Variants in GLIS3 observed in about 807,000 individuals in gnomAD.
GLIS3 encodes the protein GLIS family zinc finger 3.
A neutral mutation model predicts 78.6 loss-of-function variants in GLIS3; 53 were observed. The observed-to-expected ratio is 0.67, with a 90% CI of 0.54 to 0.85. GLIS3 has a LOEUF of 0.85. Ranked by LOEUF, GLIS3 falls within the 40% of genes least tolerant of loss-of-function variation. The pLI is 0.00. For missense variants in GLIS3, 1,703 were observed against 1,231.1 expected (o/e 1.38, Z -5.74); for synonymous variants, 684 against 509.9 (o/e 1.34, Z -4.60).
At chr9:4,395,769 CTTTTT>C in the GLIS3 span, among the ~76,000 whole-genome samples, 3 of 145,796 alleles carry the variant, frequency 2.1e-5, no homozygotes, top group Non-Finnish European at 3.0e-5. Context: ...TTTCTTTTTT[CTTTTT>C]TTCTTTTTTT....
At chr9:3,844,178 C>T (rs62521412) in intron 9 of GLIS3, among the ~76,000 whole-genome samples, 1 of 152,050 alleles carries the variant, frequency 6.6e-6, no homozygotes, top group South Asian at 2.1e-4. Context: ...TTTTGTTGTT[C>T]TGTTTTATGA....
chr9:4,177,042 AT>A (rs773479105), intron 2 of GLIS3, among the ~76,000 whole-genome samples: 1 of 152,230 alleles, frequency 6.6e-6, no homozygotes, highest in Non-Finnish European at 1.5e-5. Flanking sequence ...ATCCCCCGAA[AT>A]TTACACCATC....
At chr9:4,262,073 A>C (rs1351216895) in intron 2 of GLIS3, among the ~76,000 whole-genome samples, 2 of 152,052 alleles carry the variant, frequency 1.3e-5, no homozygotes, top group African/African-American at 4.8e-5. Flanking sequence ...CTAGAAAGAG[A>C]CCCGGTCTAG....
chr9:4,488,803 C>A, the GLIS3 span, among the ~76,000 whole-genome samples: 1 of 152,176 alleles, frequency 6.6e-6, no homozygotes, highest in Non-Finnish European at 1.5e-5. Flanking sequence ...CAGGTGTGAG[C>A]CATCGCGCCC....
At chr9:3,965,209 T>TTTC (rs1554659622) in intron 4 of GLIS3, among the ~76,000 whole-genome samples, 1 of 145,166 alleles carries the variant, frequency 6.9e-6, no homozygotes, top group African/African-American at 2.5e-5. Flanking sequence ...TTTTTTTTTT[T>TTTC]TTTGAGACAG....
the GLIS3 span, among the ~76,000 whole-genome samples, chr9:4,473,714 G>C: frequency 6.6e-6 from 1 of 151,926 alleles, no homozygotes; most frequent in Non-Finnish European, 1.5e-5. Context: ...AAAATAATCT[G>C]TACAACAAAC....
chr9:3,830,019 A>G (rs1817956233), intron 9 of GLIS3, among the ~76,000 whole-genome samples: 1 of 152,222 alleles, frequency 6.6e-6, no homozygotes, highest in Non-Finnish European at 1.5e-5. Context: ...ACAGTGTTCC[A>G]TAGTTGGATA....
chr9:4,044,953 G>A (rs1182880616), intron 4 of GLIS3, among the ~76,000 whole-genome samples: 3 of 152,174 alleles, frequency 2.0e-5, no homozygotes, highest in African/African-American at 7.2e-5. Flanking sequence ...AAGGGCAGAT[G>A]TAAATTCCGA....
chr9:4,448,897 G>A, the GLIS3 span, among the ~76,000 whole-genome samples: 1 of 152,220 alleles, frequency 6.6e-6, no homozygotes. Flanking sequence ...AGCTCCCAGA[G>A]TGATGGGTGC....
chr9:4,381,796 T>C, the GLIS3 span, among the ~76,000 whole-genome samples: 7 of 152,358 alleles, frequency 4.6e-5, no homozygotes, highest in South Asian at 6.2e-4. Flanking sequence ...CTTTCTGTTA[T>C]GTCTGGCAAG....
chr9:4,335,943 C>T (rs1019699815), intron 2 of GLIS3, among the ~76,000 whole-genome samples: 4 of 152,066 alleles, frequency 2.6e-5, no homozygotes, highest in South Asian at 2.1e-4. Context: ...TTGCGGACTT[C>T]GGTAAATTTA....
intron 1 of GLIS3, among the ~76,000 whole-genome samples, chr9:4,287,082 A>G (rs1828064576): frequency 6.6e-6 from 1 of 152,208 alleles, no homozygotes; most frequent in Non-Finnish European, 1.5e-5. Flanking sequence ...TAAAATTTTT[A>G]TATATCCACA....
intron 2 of GLIS3, among the ~76,000 whole-genome samples, chr9:4,262,931 C>A (rs1825659210): frequency 8.5e-6 from 1 of 118,068 alleles, no homozygotes; most frequent in African/African-American, 3.4e-5. Context: ...CAGTGTTTGC[C>A]TCAAAAAAAA....
intron 2 of GLIS3, among the ~76,000 whole-genome samples, chr9:4,237,507 C>T (rs190511409): frequency 2.1e-4 from 32 of 152,292 alleles, no homozygotes; most frequent in Middle Eastern, 3.4e-3. Context: ...CTACTGAGCC[C>T]TAGGGCATGG....
intron 9 of GLIS3, among the ~76,000 whole-genome samples, chr9:3,838,779 T>C (rs772316059): frequency 3.9e-5 from 6 of 152,180 alleles, no homozygotes; most frequent in Non-Finnish European, 1.5e-5. Context: ...ATAAATGTCC[T>C]CACTCCCCTT....
chr9:3,972,813 G>C (rs1034947559), intron 4 of GLIS3, among the ~76,000 whole-genome samples: 2 of 152,176 alleles, frequency 1.3e-5, no homozygotes, highest in African/African-American at 4.8e-5. Context: ...ATTTAAGAGA[G>C]ACTTCGCTTA....
At chr9:3,850,161 G>A (rs898167787) in intron 9 of GLIS3, among the ~76,000 whole-genome samples, 1 of 152,180 alleles carries the variant, frequency 6.6e-6, no homozygotes, top group Non-Finnish European at 1.5e-5. Flanking sequence ...ATAGGCTCCT[G>A]GGTGGTTATT....
In GLIS3 at chr9:4,010,525, A is replaced by G. The variant is rs1410290676; in HGVS notation, c.1711-73336T>C. On this transcript the variant is annotated intron_variant, in intron 4 of 10. Coordinates refer to ENST00000381971, the MANE Select transcript of GLIS3 (RefSeq NM_001042413.2). Reference sequence around the variant, plus strand: ...CATCTGTGTACAAATTGGAAAGCAGAAGTGAAGAAGAAGCCACAATTCCTC... The same window carrying G: ...CATCTGTGTACAAATTGGAAAGCAGGAGTGAAGAAGAAGCCACAATTCCTC... Among the ~76,000 whole-genome samples, 3 of 152,056 alleles carry G rather than the reference A, an allele frequency of 2.0e-5. No homozygotes were observed. The East Asian group carries it at 5.8e-4, about 29-fold the overall frequency.
intron 4 of GLIS3, among the ~76,000 whole-genome samples, chr9:4,046,381 G>T (rs10974300): frequency 0.16 from 23,651 of 152,094 alleles, 2,058 homozygotes; most frequent in African/African-American, 0.22. Flanking sequence ...TCCAAAGAGA[G>T]GGTTGGCAGG....
Sources: allele counts gnomAD v4.1 joint callset (sites outside exome capture counted in the v4.1 genomes callset), GRCh38; gene constraint gnomAD v4.1.1; transcripts MANE v1.5; gene names NCBI Gene and HGNC (gene_info 2026-07-23, HGNC 2026-07-21).